CTPS2: variants seen among roughly 807,000 people sequenced by gnomAD.
CTPS2 encodes the protein CTP synthase II.
In CTPS2, 19 loss-of-function variants were observed where a neutral mutation model predicts 46.8. The ratio of observed to expected loss-of-function variants is 0.41; its 90% confidence interval spans 0.28 to 0.60. The LOEUF (loss-of-function observed/expected upper bound fraction) is 0.60. Among genes scored for constraint, CTPS2 ranks in the 20% least tolerant of loss-of-function variants. The probability of loss-of-function intolerance (pLI) is 0.35; values close to 1 mark genes in which losing one functional copy is unlikely to be tolerated. For missense variants in CTPS2, 286 were observed against 447.6 expected, an observed-to-expected ratio of 0.64 and a Z score of 3.26; for synonymous variants, 151 against 165.2, an observed-to-expected ratio of 0.91 and a Z score of 0.66.
At chrX:16,697,198 G>A (rs1272962576) in intron 4 of CTPS2, among the ~76,000 whole-genome samples, 1 of 110,646 alleles carries the variant, frequency 9.0e-6, no homozygotes, top group East Asian at 2.8e-4. Flanking sequence ...AACCCAGACA[G>A]TTTGCCTCCA....
chrX:16,669,342 G>A (rs1345898050), intron 11 of CTPS2, among the ~76,000 whole-genome samples: 1 of 108,729 alleles, frequency 9.2e-6, no homozygotes, highest in Non-Finnish European at 1.9e-5. Flanking sequence ...ATGTACACAG[G>A]GGAAACAAAG....
chrX:16,673,023 A>C (rs1040118979), intron 10 of CTPS2, among the ~76,000 whole-genome samples: 13 of 102,681 alleles, frequency 1.3e-4, no homozygotes, highest in Non-Finnish European at 2.2e-4. Context: ...AGTAGCTGGG[A>C]CTACAGGCGC....
intron 8 of CTPS2, among the ~76,000 whole-genome samples, chrX:16,687,929 C>T (rs1285456608): frequency 9.0e-6 from 1 of 110,627 alleles, no homozygotes. Context: ...CACTGGTATC[C>T]CCTTATTATA....
intron 17 of CTPS2, among the ~76,000 whole-genome samples, chrX:16,593,689 C>T (rs1432542158): frequency 2.6e-5 from 1 of 39,167 alleles, no homozygotes; most frequent in Admixed American, 3.6e-4. Context: ...TAGGTGGTGG[C>T]GGGGGTGGGG....
At chrX:16,602,974 T>G in intron 17 of CTPS2, among the ~76,000 whole-genome samples, 1 of 111,785 alleles carries the variant, frequency 8.9e-6, no homozygotes, top group East Asian at 2.8e-4. Context: ...TTCTTTGACC[T>G]TGGAAAACTC....
At chrX:16,591,573 C>T (rs1928902556) in intron 17 of CTPS2, among the ~76,000 whole-genome samples, 1 of 111,336 alleles carries the variant, frequency 9.0e-6, no homozygotes, top group East Asian at 2.8e-4. Flanking sequence ...TATTTACTCT[C>T]TAACCTTACA....
rs146364088 is a variant in CTPS2, at chrX:16,642,952, T to C, written c.1297-3709A>G. Among the ~76,000 whole-genome samples the C allele has an allele frequency of 2.3e-4, 26 of 112,339 alleles. 1 individual carries two copies. Among genetic ancestry groups the C allele is most frequent in the African/African-American group, 6.5e-4 (20 of 30,941 alleles). On this transcript the variant is annotated intron_variant, in intron 13 of 18. Transcript: ENST00000359276. ...TTTGCTTCCTCTAATTCAGCCTAAATACTGGCTGTCATCTGATCCCCAGAT... is the reference window on the plus strand; with the variant it reads ...TTTGCTTCCTCTAATTCAGCCTAAACACTGGCTGTCATCTGATCCCCAGAT...
At chrX:16,615,001 C>T (rs1277153640) in intron 16 of CTPS2, among the ~76,000 whole-genome samples, 1 of 112,278 alleles carries the variant, frequency 8.9e-6, no homozygotes, top group Admixed American at 9.5e-5. Context: ...ATAGTGAAAC[C>T]CCATCTCTAC....
intron 17 of CTPS2, among the ~76,000 whole-genome samples, chrX:16,601,812 T>G (rs1769079288): frequency 8.9e-6 from 1 of 112,099 alleles, no homozygotes; most frequent in African/African-American, 3.2e-5. Context: ...GTGTGAAACT[T>G]AATCTTCATT....
At chrX:16,613,431 G>A (rs925463718) in intron 16 of CTPS2, among the ~76,000 whole-genome samples, 2 of 111,761 alleles carry the variant, frequency 1.8e-5, no homozygotes, top group Non-Finnish European at 3.8e-5. Context: ...GTGTTCTAGG[G>A]ATGGCAGTGC....
At chrX:16,691,504 C>A (rs1923699516) in intron 7 of CTPS2, 36 bp downstream of exon 7, 1 of 1,106,568 alleles carries the variant, frequency 9.0e-7, no homozygotes, top group Non-Finnish European at 1.2e-6. Flanking sequence ...AGCAGAAGTG[C>A]CTGCCAGACA....
chrX:16,611,352 G>C (rs974300782), intron 16 of CTPS2, among the ~76,000 whole-genome samples: 2 of 110,227 alleles, frequency 1.8e-5, no homozygotes, highest in African/African-American at 6.6e-5. Context: ...TTGGGAGGCT[G>C]AGATGGGAGG....
chrX:16,698,196 C>T (rs745883033), intron 4 of CTPS2, 40 bp downstream of exon 4: 1 of 973,486 alleles, frequency 1.0e-6, no homozygotes, highest in East Asian at 3.1e-5. Flanking sequence ...GCTCAAAGAC[C>T]CAGCAGGATA....
chrX:16,678,599 T>A, intron 9 of CTPS2, 149 bp from the exon 10 acceptor site: 1 of 449,819 alleles, frequency 2.2e-6, no homozygotes, highest in Non-Finnish European at 3.9e-6. Flanking sequence ...ACAGTCTCTG[T>A]TTTGCGGCTC....
intron 14 of CTPS2, among the ~76,000 whole-genome samples, chrX:16,627,821 C>G (rs1195430014): frequency 1.8e-5 from 2 of 111,368 alleles, no homozygotes; most frequent in Non-Finnish European, 3.8e-5. Context: ...CCAGACACCC[C>G]CGAAACCTGC....
chrX:16,697,798 A>T (rs976572490), intron 4 of CTPS2, among the ~76,000 whole-genome samples: 3 of 111,415 alleles, frequency 2.7e-5, no homozygotes, highest in South Asian at 3.7e-4. Context: ...CTACCATCTG[A>T]CTTCCCTAAC....
chrX:16,648,000 G>C (rs761748967), intron 13 of CTPS2, among the ~76,000 whole-genome samples: 2 of 111,338 alleles, frequency 1.8e-5, no homozygotes, highest in East Asian at 5.6e-4. Context: ...TACTCGGGAG[G>C]CTGAGGTAGG....
chrX:16,686,290 C>T (rs1055784058), intron 8 of CTPS2, among the ~76,000 whole-genome samples: 3 of 111,500 alleles, frequency 2.7e-5, no homozygotes, highest in African/African-American at 9.8e-5. Context: ...CTCCATTTAC[C>T]CTGATGTGAT....
chrX:16,598,352 G>A (rs769072774), intron 17 of CTPS2, among the ~76,000 whole-genome samples: 516 of 111,062 alleles, frequency 4.6e-3, no homozygotes, highest in African/African-American at 0.015. Flanking sequence ...TCAAATGGAC[G>A]CAATAAAAAA....
Sources: gnomAD v4.1 joint callset for allele counts (sites outside exome capture counted in the v4.1 genomes callset) on GRCh38, gnomAD v4.1.1 for gene constraint, MANE v1.5 for transcripts, NCBI Gene and HGNC (gene_info 2026-07-23, HGNC 2026-07-21) for gene names.